RNF175: variants seen among roughly 807,000 people sequenced by gnomAD.
The protein encoded by RNF175 is ring finger protein 175.
In RNF175, 38 loss-of-function variants were observed where a neutral mutation model predicts 50.0. The ratio of observed to expected loss-of-function variants is 0.76; its 90% confidence interval spans 0.59 to 1.00. The LOEUF is 1.00. Among genes scored for constraint, RNF175 ranks in the 50% least tolerant of loss-of-function variants. The probability of loss-of-function intolerance (pLI) is 0.00; values close to 1 mark genes in which losing one functional copy is unlikely to be tolerated. For synonymous variants in RNF175, 155 were observed against 146.1 expected (o/e 1.06, Z -0.44); for missense variants, 388 against 409.6 (o/e 0.95, Z 0.46).
intron 1 of RNF175, among the ~76,000 whole-genome samples, chr4:153,758,457 A>C (rs1259293239): frequency 2.0e-5 from 3 of 152,160 alleles, no homozygotes; most frequent in Admixed American, 2.0e-4. Context: ...ATACCTCCTG[A>C]GGGCAGCAGA....
In RNF175 at chr4:153,715,631, C is replaced by T. The variant is rs1452040752; in HGVS notation, c.662G>A (p.Ser221Asn). The change falls in exon 7 of 9, where the codon AGC (serine) becomes AAC (asparagine). Residue 221 changes from serine to asparagine, a missense_variant. Ser to Asn is a conservative substitution (Grantham distance 46). Coordinates refer to ENST00000347063, the MANE Select transcript of RNF175 (RefSeq NM_173662.4). ...GACTGCACAGATATTGTCCGATAAG[C>T]TCCTTGTAGGCAACCGGCTGACACT... ...FYSVSRLPTRSLSDNICAVCG... is the reference protein window; with the variant it reads ...FYSVSRLPTRNLSDNICAVCG... 2 of 1,613,954 alleles carry T rather than the reference C, an allele frequency of 1.2e-6. No homozygotes were observed. The highest frequency in any genetic ancestry group is 1.7e-6 in the Non-Finnish European group (2 of 1,179,852).
chr4:153,732,477 C>T (rs2606327), intron 3 of RNF175, among the ~76,000 whole-genome samples: 26,904 of 152,050 alleles, frequency 0.18, 3,092 homozygotes, highest in Non-Finnish European at 0.25. Context: ...TGAGCAGACA[C>T]AATGCTTTAT....
intron 3 of RNF175, among the ~76,000 whole-genome samples, chr4:153,731,810 G>A (rs553908067): frequency 6.6e-6 from 1 of 152,266 alleles, no homozygotes; most frequent in South Asian, 2.1e-4. Context: ...GGAGGGTGGT[G>A]GGATGGTGGA....
chr4:153,754,626 A>G (rs749808896), intron 1 of RNF175, among the ~76,000 whole-genome samples: 2 of 152,198 alleles, frequency 1.3e-5, no homozygotes, highest in Non-Finnish European at 2.9e-5. Flanking sequence ...TTGCAGATGT[A>G]ATTGAGGACC....
chr4:153,726,380 C>G (rs1738701372), intron 4 of RNF175, among the ~76,000 whole-genome samples: 1 of 152,174 alleles, frequency 6.6e-6, no homozygotes, highest in Non-Finnish European at 1.5e-5. Flanking sequence ...GCTGGGATTA[C>G]AGGCGTGAGC....
At chr4:153,723,567 A>G in intron 4 of RNF175, 109 bp from the exon 5 acceptor site, 1 of 615,634 alleles carries the variant, frequency 1.6e-6, no homozygotes, top group Non-Finnish European at 2.9e-6. Context: ...CTTATAAATC[A>G]GTTTTTAGTT....
rs766094440 is a variant in RNF175 at position 153,730,746 on chromosome 4, A to G, written c.247-2385T>C. ...AATTCAGTGGAACTACTATGCTCTTATATTTTATACTTTAGATCTAAGCCA... is the reference window on the plus strand; with the variant it reads ...AATTCAGTGGAACTACTATGCTCTTGTATTTTATACTTTAGATCTAAGCCA... On this transcript the variant is annotated intron_variant, in intron 3 of 8. Transcript: ENST00000347063. 4.2e-4 allele frequency among the ~76,000 whole-genome samples: 64 copies of G among 152,202 alleles called. 1 individual carries two copies. Among genetic ancestry groups the G allele is most frequent in the Non-Finnish European group, 4.9e-4 (33 of 68,024 alleles).
intron 2 of RNF175, among the ~76,000 whole-genome samples, chr4:153,748,995 G>C (rs1020786938): frequency 1.3e-5 from 2 of 152,196 alleles, no homozygotes; most frequent in African/African-American, 4.8e-5. Context: ...TCTGGAGAAG[G>C]AGCAGCTGGG....
rs116498491 is a variant in RNF175 at position 153,739,145 on chromosome 4, G to A, written c.246+9500C>T. 1.9e-3 allele frequency among the ~76,000 whole-genome samples: 289 copies of A among 152,316 alleles called. 3 individuals carry two copies. The highest frequency in any genetic ancestry group is 3.4e-3 in the Middle Eastern group (1 of 292). On this transcript the variant is annotated intron_variant, in intron 3 of 8. Coordinates refer to ENST00000347063, the MANE Select transcript of RNF175 (RefSeq NM_173662.4). ...GGAATTAAGAAAAAGAAATAGGGCC[G>A]GGTGAGGTGGCTCATGCCAGTAATC...
In RNF175 at chr4:153,760,014, G is replaced by A. The variant is rs765620829; in HGVS notation, c.-152C>T. 602 of 431,054 alleles carry A rather than the reference G, an allele frequency of 1.4e-3. 1 individual carries two copies. Among genetic ancestry groups the A allele is most frequent in the Middle Eastern group, 5.6e-3 (9 of 1,614 alleles). 26.7% of individuals were successfully genotyped at this position (431,054 alleles called of 1,614,324 possible). ...GCGGCGGCCCTGCCCGGGTTGTGCG[G>A]GGCGGGAGATGGGAGCCTCCCGGCA... On this transcript the variant is annotated 5_prime_UTR_variant, in exon 1 of 9. Transcript: ENST00000347063.
intron 3 of RNF175, among the ~76,000 whole-genome samples, chr4:153,730,403 C>T (rs574686901): frequency 7.8e-4 from 118 of 151,810 alleles, no homozygotes; most frequent in African/African-American, 2.8e-3. Context: ...GACACTGCAC[C>T]GGGTGACAGA....
intron 3 of RNF175, among the ~76,000 whole-genome samples, chr4:153,739,237 A>G (rs1200193390): frequency 6.6e-6 from 1 of 152,158 alleles, no homozygotes; most frequent in African/African-American, 2.4e-5. Flanking sequence ...CCTGACCAAC[A>G]TGGTGAAACC....
chr4:153,738,152 C>G (rs1057239659), intron 3 of RNF175, among the ~76,000 whole-genome samples: 10 of 152,048 alleles, frequency 6.6e-5, no homozygotes, highest in African/African-American at 1.2e-4. Context: ...TGGGCTCAAG[C>G]CATTTTCCCA....
chr4:153,722,958 C>G (rs1301490106), intron 5 of RNF175, among the ~76,000 whole-genome samples: 1 of 152,066 alleles, frequency 6.6e-6, no homozygotes, highest in Non-Finnish European at 1.5e-5. Context: ...CTAGTGGCTA[C>G]TATACTGGAC....
At chr4:153,749,855 T>G (rs1332935048) in intron 2 of RNF175, among the ~76,000 whole-genome samples, 2 of 152,236 alleles carry the variant, frequency 1.3e-5, no homozygotes, top group Non-Finnish European at 2.9e-5. Flanking sequence ...AACCAAAACC[T>G]GCCAGCACCT....
At chr4:153,755,288 C>T (rs990531259) in intron 1 of RNF175, among the ~76,000 whole-genome samples, 28 of 152,374 alleles carry the variant, frequency 1.8e-4, no homozygotes, top group East Asian at 3.9e-4. Context: ...GTTCTCCCTA[C>T]AAAAAGGCCC....
intron 6 of RNF175, among the ~76,000 whole-genome samples, chr4:153,718,230 G>GTTTTTTTTTTTTTTT (rs1272804247): frequency 1.3e-4 from 4 of 31,844 alleles, no homozygotes; most frequent in African/African-American, 3.3e-4. Context: ...TTGTTTGTTT[G>GTTTTTTTTTTTTTTT]TTTGTTTGTT....
In RNF175 at chr4:153,718,222, G is replaced by GTTTTTTTTTTTTTTTTTTTTTTTTTTT. The variant is rs1460898288; in HGVS notation, c.630+1961_630+1962insAAAAAAAAAAAAAAAAAAAAAAAAAAA. On this transcript the variant is annotated intron_variant, in intron 6 of 8. Transcript: ENST00000347063. ...CTTTCCTAAGGAGTTTTTTTTGTTT[G>GTTTTTTTTTTTTTTTTTTTTTTTTTTT]TTTGTTTGTTTGTTTGTTTTTTTTT... Among the ~76,000 whole-genome samples the GTTTTTTTTTTTTTTTTTTTTTTTTTTT allele has an allele frequency of 1.1e-3, 40 of 37,536 alleles. 10 individuals carry two copies. Among genetic ancestry groups the GTTTTTTTTTTTTTTTTTTTTTTTTTTT allele is most frequent in the Non-Finnish European group, 1.6e-3 (23 of 14,142 alleles). 24.6% of individuals were successfully genotyped at this position (37,536 alleles called of 152,430 possible). A position where few individuals can be genotyped will look rare whatever the true frequency, so the allele number is the denominator to read the frequency against.
chr4:153,755,441 C>T (rs1740512027), intron 1 of RNF175, among the ~76,000 whole-genome samples: 1 of 152,066 alleles, frequency 6.6e-6, no homozygotes, highest in African/African-American at 2.4e-5. Context: ...GAGTTCTGCA[C>T]CCATAATGAC....
Sources: gnomAD v4.1 joint callset for allele counts (sites outside exome capture counted in the v4.1 genomes callset) on GRCh38, gnomAD v4.1.1 for gene constraint, MANE v1.5 for transcripts, NCBI Gene and HGNC (gene_info 2026-07-23, HGNC 2026-07-21) for gene names.